GFOD1: variants seen among roughly 807,000 people sequenced by gnomAD.
GFOD1 encodes the protein Gfo/Idh/MocA-like oxidoreductase domain containing 1, also known as glucose-fructose oxidoreductase domain-containing protein 1.
In GFOD1, 9 loss-of-function variants were observed where a neutral mutation model predicts 25.4. That is an observed-to-expected ratio of 0.35 (90% CI 0.21 to 0.62). The LOEUF (loss-of-function observed/expected upper bound fraction) is 0.62. GFOD1 is among the 20% of genes least tolerant of loss of function. The probability of loss-of-function intolerance (pLI) is 0.72; values close to 1 mark genes in which losing one functional copy is unlikely to be tolerated. For missense variants in GFOD1, 403 were observed against 556.9 expected (o/e 0.72, Z 2.78); for synonymous variants, 253 against 245.6 (o/e 1.03, Z -0.28).
At chr6:13,457,893 C>T (rs2560759) in intron 1 of GFOD1, among the ~76,000 whole-genome samples, 90,892 of 152,066 alleles carry the variant, frequency 0.6, 30,798 homozygotes, top group South Asian at 0.82. Flanking sequence ...ATCCAGCCAA[C>T]AGCACAGGTC....
rs115561369 is a variant in GFOD1 at position 13,440,628 on chromosome 6, T to C, written c.253+46010A>G. Among the ~76,000 whole-genome samples the C allele has an allele frequency of 2.8e-3, 434 of 152,282 alleles. 1 individual carries two copies. The highest frequency in any genetic ancestry group is 3.9e-3 in the Non-Finnish European group (267 of 67,988). On this transcript the variant is annotated intron_variant, in intron 1 of 1. Coordinates refer to ENST00000379287, the MANE Select transcript of GFOD1 (RefSeq NM_018988.4). ...ACCAAGAGTTCGGACTTCCTCCCAT[T>C]TCAGGACTGGCTGGGTCTCCTGGCA...
At chr6:13,434,993 C>T (rs191062067) in intron 1 of GFOD1, among the ~76,000 whole-genome samples, 60 of 152,354 alleles carry the variant, frequency 3.9e-4, no homozygotes, top group Admixed American at 6.5e-4. Context: ...ACCTCCAGGG[C>T]AACCGTAGAC....
At chr6:13,410,662 G>C (rs1234392530) in intron 1 of GFOD1, among the ~76,000 whole-genome samples, 1 of 151,820 alleles carries the variant, frequency 6.6e-6, no homozygotes, top group Admixed American at 6.6e-5. Flanking sequence ...AAGAGAGGAA[G>C]AAAGGTGGAA....
intron 1 of GFOD1, among the ~76,000 whole-genome samples, chr6:13,478,171 A>G (rs1008419820): frequency 6.6e-6 from 1 of 151,184 alleles, no homozygotes; most frequent in Non-Finnish European, 1.5e-5. Context: ...AGTTTTTTTC[A>G]TTTTGTTGCC....
chr6:13,396,921 A>AC (rs1435109479), intron 1 of GFOD1, among the ~76,000 whole-genome samples: 1 of 152,180 alleles, frequency 6.6e-6, no homozygotes, highest in African/African-American at 2.4e-5. Context: ...ATTTATTACA[A>AC]CAGCAAGGGA....
At chr6:13,413,941 T>C (rs1440301092) in intron 1 of GFOD1, among the ~76,000 whole-genome samples, 2 of 152,196 alleles carry the variant, frequency 1.3e-5, no homozygotes, top group African/African-American at 4.8e-5. Flanking sequence ...GAATGCATAA[T>C]AGGGCCAAGC....
At chr6:13,469,744 CAT>C (rs1484527182) in intron 1 of GFOD1, 8 of 1,161,972 alleles carry the variant, frequency 6.9e-6, no homozygotes, top group Non-Finnish European at 8.8e-6. Context: ...GAAAATAATA[CAT>C]GTCACAGAAT....
chr6:13,397,156 C>G (rs933666723), intron 1 of GFOD1, among the ~76,000 whole-genome samples: 3 of 152,138 alleles, frequency 2.0e-5, no homozygotes, highest in Admixed American at 1.3e-4. Flanking sequence ...CCACAGTGGT[C>G]TCGAACTCCT....
At chr6:13,402,713 T>C (rs560827799) in intron 1 of GFOD1, among the ~76,000 whole-genome samples, 11 of 152,344 alleles carry the variant, frequency 7.2e-5, no homozygotes, top group African/African-American at 2.6e-4. Flanking sequence ...ATTGGAACCC[T>C]CAAACATTGC....
chr6:13,396,333 T>C (rs1281928634), intron 1 of GFOD1, among the ~76,000 whole-genome samples: 2 of 152,166 alleles, frequency 1.3e-5, no homozygotes. Flanking sequence ...AGCTAACAAT[T>C]GGGTCAGGAT....
chr6:13,425,442 C>T (rs1786335309), intron 1 of GFOD1, among the ~76,000 whole-genome samples: 1 of 152,148 alleles, frequency 6.6e-6, no homozygotes, highest in Non-Finnish European at 1.5e-5. Context: ...TTCTTGGCCA[C>T]TACCCTGGGG....
intron 1 of GFOD1, among the ~76,000 whole-genome samples, chr6:13,409,679 T>G (rs1048701682): frequency 6.6e-6 from 1 of 152,204 alleles, no homozygotes. Context: ...CCCAACACTT[T>G]GGAAGCCCGA....
intron 1 of GFOD1, among the ~76,000 whole-genome samples, chr6:13,482,319 A>G (rs925889565): frequency 6.7e-6 from 1 of 148,968 alleles, no homozygotes. Context: ...TAATAAATTT[A>G]ATACATTTAA....
chr6:13,409,147 AAG>A (rs71680213), intron 1 of GFOD1, among the ~76,000 whole-genome samples: 3,975 of 29,102 alleles, frequency 0.14, 537 homozygotes, highest in South Asian at 0.32. Flanking sequence ...GAAAGAAAGA[AAG>A]AGAGGAAAGA....
At chr6:13,405,005 T>G (rs1347877820) in intron 1 of GFOD1, among the ~76,000 whole-genome samples, 1 of 152,196 alleles carries the variant, frequency 6.6e-6, no homozygotes, top group Non-Finnish European at 1.5e-5. Flanking sequence ...TTGTCTATCC[T>G]CAACCCCATC....
At chr6:13,382,491 C>T (rs147300642) in intron 1 of GFOD1, among the ~76,000 whole-genome samples, 3 of 152,310 alleles carry the variant, frequency 2.0e-5, no homozygotes, top group African/African-American at 7.2e-5. Context: ...CCTTCACCTT[C>T]CACCGTGATT....
At chr6:13,439,923 C>G (rs1284246540) in intron 1 of GFOD1, among the ~76,000 whole-genome samples, 1 of 152,128 alleles carries the variant, frequency 6.6e-6, no homozygotes, top group Non-Finnish European at 1.5e-5. Flanking sequence ...ACGGGCAATT[C>G]TAATGTGCAG....
intron 1 of GFOD1, among the ~76,000 whole-genome samples, chr6:13,401,254 C>T (rs1785835696): frequency 6.6e-6 from 1 of 152,170 alleles, no homozygotes; most frequent in Non-Finnish European, 1.5e-5. Flanking sequence ...AATTGCCAGG[C>T]ATAAGGCGTG....
intron 1 of GFOD1, among the ~76,000 whole-genome samples, chr6:13,473,822 C>G (rs1161737859): frequency 6.6e-6 from 1 of 152,158 alleles, no homozygotes; most frequent in Non-Finnish European, 1.5e-5. Context: ...ATGCCCCTTT[C>G]CTCAGCTTTC....
Sources: gnomAD v4.1 joint callset for allele counts (sites outside exome capture counted in the v4.1 genomes callset) on GRCh38, gnomAD v4.1.1 for gene constraint, MANE v1.5 for transcripts, NCBI Gene and HGNC (gene_info 2026-07-23, HGNC 2026-07-21) for gene names.